The following TSSK4 variants were observed in gnomAD, a reference collection of about 807,000 sequenced individuals.
TSSK4 encodes the protein testis-specific serine/threonine-protein kinase 4.
Under a neutral mutation model 28.5 loss-of-function variants are expected in TSSK4, and 22 were observed. That is an observed-to-expected ratio of 0.77 (90% CI 0.55 to 1.10). TSSK4 has a LOEUF of 1.10. Among genes scored for constraint, TSSK4 ranks in the 50% least tolerant of loss-of-function variants. TSSK4 has a pLI of 0.00. For missense variants in TSSK4, 329 were observed against 415.4 expected (o/e 0.79, Z 1.81); for synonymous variants, 151 against 158.3 (o/e 0.95, Z 0.35).
At chr14:24,206,191 A>C in intron 1 of TSSK4, 43 bp downstream of exon 1, 1 of 1,590,864 alleles carries the variant, frequency 6.3e-7, no homozygotes, top group Non-Finnish European at 8.6e-7. Context: ...CTTGGTACTA[A>C]GCTGCTTGAG....
intron 3 of TSSK4, 122 bp downstream of exon 3, chr14:24,207,631 G>A (rs2039544634): frequency 2.5e-6 from 3 of 1,185,214 alleles, no homozygotes; most frequent in Non-Finnish European, 3.5e-6. Context: ...CCACACCAGA[G>A]CCATCTCACA....
At position 24,206,622 on chromosome 14, in the gene TSSK4, G is replaced by A; in HGVS notation, c.339G>A (p.Trp113Ter). 1 of 1,614,216 alleles carries A rather than the reference G, an allele frequency of 6.2e-7. No individual in the cohort carries two copies. The highest frequency in any genetic ancestry group is 1.7e-5 in the Admixed American group (1 of 60,032). ...CTCAGGGTGGTGATGTCCTTGAATGGATCCAGCGCTACGGGGCCTGCTCTG... is the reference window on the plus strand; with the variant it reads ...CTCAGGGTGGTGATGTCCTTGAATGAATCCAGCGCTACGGGGCCTGCTCTG... ...ELAQGGDVLE[W>*]IQRYGACSEP... The change falls in exon 2 of 4, where the codon TGG (tryptophan) becomes TGA (stop). Residue 113 changes from tryptophan to a stop codon, truncating the protein, a stop_gained. Transcript: ENST00000339917. LOFTEE classifies it high-confidence loss of function.
At chr14:24,206,395 G>C in intron 1 of TSSK4, 114 bp from the exon 2 acceptor site, 1 of 1,178,284 alleles carries the variant, frequency 8.5e-7, no homozygotes, top group Non-Finnish European at 1.2e-6. Context: ...CTCTGGGGTT[G>C]AGGGGCTGAT....
chr14:24,206,224 A>T, intron 1 of TSSK4, 76 bp downstream of exon 1: 1 of 1,398,574 alleles, frequency 7.2e-7, no homozygotes, highest in Non-Finnish European at 1.0e-6. Flanking sequence ...GGGTATGGCC[A>T]GGAGGGGTGG....
In TSSK4 at chr14:24,205,920, C is replaced by T; in HGVS notation, c.-4C>T. On this transcript the variant is annotated 5_prime_UTR_variant, in exon 1 of 4. Coordinates refer to ENST00000339917, the MANE Select transcript of TSSK4 (RefSeq NM_001184739.2). ...AGCTCCCTGCTCTCAGCAAGCCCAA[C>T]ACCATGGGGAAGGGAGATGTCTTAG... The T allele has an allele frequency of 3.1e-6, 5 of 1,612,870 alleles. No individual in the cohort carries two copies. The highest frequency in any genetic ancestry group is 4.2e-6 in the Non-Finnish European group (5 of 1,179,482).
rs2039522062 is a variant in TSSK4, at chr14:24,206,601, GGGT to G, written c.323_325del (p.Gly108del). 2 of 1,614,248 alleles carry G rather than the reference GGGT, an allele frequency of 1.2e-6. No individual in the cohort carries two copies. The highest frequency in any genetic ancestry group is 1.7e-6 in the Non-Finnish European group (2 of 1,180,038). ...TATACATCATTCTGGAACTGGCTCA[GGGT>G]GGTGATGTCCTTGAATGGATCCAGC... is the stretch of plus-strand genomic sequence containing the variant. On this transcript the variant is annotated inframe_deletion, in exon 2 of 4. Transcript: ENST00000339917.
chr14:24,206,850 T>C, intron 2 of TSSK4, 127 bp downstream of exon 2: 1 of 1,091,936 alleles, frequency 9.2e-7, no homozygotes, highest in East Asian at 2.6e-5. Context: ...ATGCACTCTA[T>C]TTTAATCATA....
intron 2 of TSSK4, 107 bp downstream of exon 2, chr14:24,206,830 T>G: frequency 1.6e-6 from 2 of 1,218,646 alleles, no homozygotes; most frequent in Non-Finnish European, 2.3e-6. Flanking sequence ...CCTCAATATC[T>G]AGCCTATTCA....
In TSSK4 at chr14:24,206,559, T is replaced by C. The variant is rs1324715128; in HGVS notation, c.276T>C (p.Ile92=). ...ACCTCATCAACTTCTATCGGGCCAT[T>C]GAGAGCACATCTCGAGTATACATCA... ...HKYLINFYRA[I]ESTSRVYIIL... is the part of the protein sequence containing the mutation. Residue 92 remains isoleucine (I), a synonymous_variant, in exon 2 of 4, where the codon ATT becomes ATC. Transcript: ENST00000339917. 6.2e-7 allele frequency: 1 copy of C among 1,614,182 alleles called. No individual in the cohort carries two copies. The highest frequency in any genetic ancestry group is 1.7e-5 in the Admixed American group (1 of 60,020).
Position 24,208,132 on chromosome 14 carries a change from CA to C in TSSK4, c.1006del (p.Ile336LeufsTer7). Reference protein sequence around the residue: ...HNTTKQHQSLQITT With the variant: ...HNTTKQHQSLXITT ...CACCACTAAACAGCACCAATCCTTG[CA>C]AATTACGACCTGAAAATGGCTGAGG... On this transcript the variant is annotated frameshift_variant, in exon 4 of 4. Transcript: ENST00000339917. LOFTEE classifies it high-confidence loss of function. 6.2e-7 allele frequency: 1 copy of C among 1,601,452 alleles called. No homozygotes were observed. The highest frequency in any genetic ancestry group is 8.5e-7 in the Non-Finnish European group (1 of 1,170,384).
At position 24,205,998 on chromosome 14, in the gene TSSK4, T is replaced by G; in HGVS notation, c.75T>G (p.Tyr25Ter). 6.2e-7 allele frequency: 1 copy of G among 1,614,234 alleles called. No homozygotes were observed. The highest frequency in any genetic ancestry group is 2.2e-5 in the East Asian group (1 of 44,888). ...AYHSLMDEYG[Y>*]EVGKAIGHGS... ...ATTCCCTCATGGATGAATATGGTTA[T>G]GAGGTGGGCAAGGCCATTGGCCATG... The change falls in exon 1 of 4, where the codon TAT becomes TAG. Residue 25 changes from tyrosine (Y) to a stop codon, truncating the protein, a stop_gained. Coordinates refer to ENST00000339917, the MANE Select transcript of TSSK4 (RefSeq NM_001184739.2). LOFTEE classifies it high-confidence loss of function.
chr14:24,206,467 T>A, intron 1 of TSSK4, 42 bp from the exon 2 acceptor site: 1 of 1,605,586 alleles, frequency 6.2e-7, no homozygotes, highest in Non-Finnish European at 8.5e-7. Flanking sequence ...GCAGTCAGGG[T>A]TCTCCCTTCC....
chr14:24,206,798 T>C, intron 2 of TSSK4, 75 bp downstream of exon 2: 1 of 1,519,834 alleles, frequency 6.6e-7, no homozygotes, highest in Non-Finnish European at 9.0e-7. Context: ...TTCCTGTCCT[T>C]TTTTCCTCTT....
chr14:24,206,456 T>G (rs1183068099), intron 1 of TSSK4, 53 bp from the exon 2 acceptor site: 1 of 1,580,310 alleles, frequency 6.3e-7, no homozygotes, highest in African/African-American at 1.3e-5. Flanking sequence ...CGGCTGGGAG[T>G]GCAGTCAGGG....
Position 24,207,972 on chromosome 14 carries a change from C to T in TSSK4, c.843C>T (p.Ile281=), listed in dbSNP as rs1413521272. ...TCTCTCCCCTGCTCTAGAACCTGAT[C>T]CTCCAGATGCTACGCCAAGCCACTA... ...HTISQECKNL[I]LQMLRQATKR... is the part of the protein sequence containing the mutation. Residue 281 remains isoleucine (I), a synonymous_variant, in exon 4 of 4, where the codon ATC becomes ATT. Coordinates refer to ENST00000339917, the MANE Select transcript of TSSK4 (RefSeq NM_001184739.2). The T allele has an allele frequency of 5.0e-6, 8 of 1,613,988 alleles. No individual in the cohort carries two copies. The highest frequency in any genetic ancestry group is 6.8e-6 in the Non-Finnish European group (8 of 1,179,992).
rs1182978661 is a variant in TSSK4, at chr14:24,207,108, C to T, written c.441-8C>T. 2 of 1,603,710 alleles carry T rather than the reference C, an allele frequency of 1.2e-6. No homozygotes were observed. Among genetic ancestry groups the T allele is most frequent in the African/African-American group, 2.7e-5 (2 of 74,908 alleles). ...AGCTCCCAGTCTAAAACTAAGCCCTCTCCCCAGCCTGATGCCCAGCCTTTC... is the reference window on the plus strand; with the variant it reads ...AGCTCCCAGTCTAAAACTAAGCCCTTTCCCCAGCCTGATGCCCAGCCTTTC... On this transcript the variant is annotated splice_polypyrimidine_tract_variant and splice_region_variant and intron_variant, in intron 2 of 3. Transcript: ENST00000339917.
rs1222098502 is a variant in TSSK4 at position 24,205,967 on chromosome 14, C to T, written c.44C>T (p.Ala15Val). 6.2e-7 allele frequency: 1 copy of T among 1,614,054 alleles called. No homozygotes were observed. The highest frequency in any genetic ancestry group is 8.5e-7 in the Non-Finnish European group (1 of 1,180,044). The change falls in exon 1 of 4, where the codon GCC becomes GTC. Residue 15 changes from alanine to valine, a missense_variant. Physicochemically the swap from Ala to Val is moderately conservative, Grantham distance 64. Around this residue, in one of 3 missense-constraint regions of TSSK4, gnomAD observed 175 missense variants for 196.0 expected, o/e 0.89. Transcript: ENST00000339917. The stretch of plus-strand genomic sequence containing the variant: ...TTAGAGGCAGCACCAACCACCACAG[C>T]CTACCATTCCCTCATGGATGAATAT... ...DVLEAAPTTT[A>V]YHSLMDEYGY... is the part of the protein sequence containing the mutation.
intron 3 of TSSK4, chr14:24,207,760 T>C (rs2039546340): frequency 1.8e-6 from 2 of 1,088,780 alleles, no homozygotes; most frequent in Admixed American, 2.1e-5. Context: ...AAGGGAAATA[T>C]GGAAAGCATT....
At position 24,206,472 on chromosome 14, in the gene TSSK4, C is replaced by T. The variant is rs1387391021; in HGVS notation, c.226-37C>T. Reference sequence around the variant, plus strand: ...GGCTGGGAGTGCAGTCAGGGTTCTCCCTTCCCAGGTTTGATGGGTCCTTCT... The same window carrying T: ...GGCTGGGAGTGCAGTCAGGGTTCTCTCTTCCCAGGTTTGATGGGTCCTTCT... On this transcript the variant is annotated intron_variant, in intron 1 of 3. Coordinates refer to ENST00000339917, the MANE Select transcript of TSSK4 (RefSeq NM_001184739.2). The T allele has an allele frequency of 1.7e-5, 27 of 1,610,464 alleles. No individual in the cohort carries two copies. The South Asian group carries it at 2.5e-4, about 15-fold the overall frequency.
Sources: gnomAD v4.1 joint callset for allele counts on GRCh38, gnomAD v4.1.1 for gene constraint, gnomAD v4.1.1 regional missense constraint, MANE v1.5 for transcripts, NCBI Gene and HGNC (gene_info 2026-07-23, HGNC 2026-07-21) for gene names.